The following ZFPM2 variants were observed in gnomAD, a reference collection of about 807,000 sequenced individuals.
ZFPM2 encodes zinc finger protein ZFPM2.
ZFPM2 carries 20 observed loss-of-function variants against 98.6 expected under a neutral mutation model. That is an observed-to-expected ratio of 0.20 (90% CI 0.14 to 0.29). The LOEUF (loss-of-function observed/expected upper bound fraction) is 0.29, where lower values mean the gene tolerates loss of function less well. ZFPM2 is among the 10% of genes least tolerant of loss of function. ZFPM2 has a pLI of 1.00. For synonymous variants in ZFPM2, 518 were observed against 502.7 expected, an observed-to-expected ratio of 1.03 and a Z score of -0.41; for missense variants, 1,310 against 1,388.6, an observed-to-expected ratio of 0.94 and a Z score of 0.90.
At chr8:105,642,209 A>G (rs1490931485) in intron 5 of ZFPM2, among the ~76,000 whole-genome samples, 7 of 152,082 alleles carry the variant, frequency 4.6e-5, no homozygotes, top group Non-Finnish European at 1.0e-4. Flanking sequence ...TGTAGAAAAA[A>G]TTATTATAAG....
intron 5 of ZFPM2, among the ~76,000 whole-genome samples, chr8:105,654,586 T>TA (rs1563506970): frequency 2.1e-5 from 3 of 142,006 alleles, no homozygotes; most frequent in South Asian, 2.2e-4. Flanking sequence ...TTTTTTTTTT[T>TA]AAAAATGAAA....
intron 4 of ZFPM2, among the ~76,000 whole-genome samples, chr8:105,564,645 A>G (rs1815207579): frequency 6.6e-6 from 1 of 152,050 alleles, no homozygotes; most frequent in Non-Finnish European, 1.5e-5. Context: ...TTCTGATTCG[A>G]GAGTCTGCTT....
In ZFPM2 at chr8:105,621,836, C is replaced by T. The variant is rs149650975; in HGVS notation, c.421-12410C>T. On this transcript the variant is annotated intron_variant, in intron 4 of 7. Transcript: ENST00000407775. ...CCTTAATTTCTTTAAAATTGTAAAA[C>T]GATTATTTTATTATTAGTTTTTATT... is the stretch of plus-strand genomic sequence containing the variant. Among the ~76,000 whole-genome samples, 10 of 151,788 alleles carry T rather than the reference C, an allele frequency of 6.6e-5. No homozygotes were observed. In the South Asian group the frequency reaches 1.0e-3, roughly 16 times the overall value.
intron 4 of ZFPM2, among the ~76,000 whole-genome samples, chr8:105,629,239 G>A (rs1205376064): frequency 2.0e-5 from 3 of 152,174 alleles, no homozygotes; most frequent in African/African-American, 7.2e-5. Flanking sequence ...TCCCTCCCGC[G>A]AGGAGATGAG....
At chr8:105,766,653 T>C (rs1812858522) in intron 5 of ZFPM2, among the ~76,000 whole-genome samples, 1 of 151,854 alleles carries the variant, frequency 6.6e-6, no homozygotes, top group Non-Finnish European at 1.5e-5. Context: ...GCTTTAGTGA[T>C]TGATTGGCTA....
chr8:105,792,771 G>A (rs1279561370), intron 6 of ZFPM2, among the ~76,000 whole-genome samples: 5 of 152,182 alleles, frequency 3.3e-5, no homozygotes, highest in Non-Finnish European at 5.9e-5. Flanking sequence ...GGGTGCTCCT[G>A]TATTGGGTGC....
intron 4 of ZFPM2, among the ~76,000 whole-genome samples, chr8:105,572,403 ATTAT>A (rs1815377413): frequency 6.6e-6 from 1 of 152,100 alleles, no homozygotes; most frequent in Non-Finnish European, 1.5e-5. Flanking sequence ...AATTTGAGAA[ATTAT>A]TTGAGAAACT....
intron 4 of ZFPM2, among the ~76,000 whole-genome samples, chr8:105,631,309 C>T (rs939074151): frequency 5.3e-5 from 8 of 152,144 alleles, no homozygotes; most frequent in African/African-American, 1.2e-4. Context: ...TATGCTATTA[C>T]GTTCTTTCCA....
At chr8:105,348,536 A>G (rs1812582091) in intron 1 of ZFPM2, among the ~76,000 whole-genome samples, 1 of 152,334 alleles carries the variant, frequency 6.6e-6, no homozygotes, top group East Asian at 1.9e-4. Context: ...TGTCTTACTT[A>G]TAAGAAATGT....
intron 3 of ZFPM2, among the ~76,000 whole-genome samples, chr8:105,467,433 T>C (rs1182739369): frequency 6.6e-6 from 1 of 152,066 alleles, no homozygotes; most frequent in African/African-American, 2.4e-5. Flanking sequence ...GTTATCCTAG[T>C]CACGACTACT....
chr8:105,728,327 C>T (rs553294514), intron 5 of ZFPM2, among the ~76,000 whole-genome samples: 4 of 151,666 alleles, frequency 2.6e-5, no homozygotes, highest in African/African-American at 9.7e-5. Context: ...TAACAAGCGA[C>T]TCCGAAAATC....
chr8:105,439,998 T>C (rs1812203694), intron 2 of ZFPM2, among the ~76,000 whole-genome samples: 1 of 152,198 alleles, frequency 6.6e-6, no homozygotes, highest in African/African-American at 2.4e-5. Flanking sequence ...GTATCCCTAG[T>C]GGCACTCAAG....
rs370953605 is a variant in ZFPM2, at chr8:105,728,354, A to G, written c.533-60364A>G. Among the ~76,000 whole-genome samples, 16 of 151,854 alleles carry G rather than the reference A, an allele frequency of 1.1e-4. No individual in the cohort carries two copies. The East Asian group carries it at 2.1e-3, about 20-fold the overall frequency. ...CCGAAAATCTCAGTGGCTTAAAACAATTTATGCTATGTACTTGTCGAAAGT... is the reference window on the plus strand; with the variant it reads ...CCGAAAATCTCAGTGGCTTAAAACAGTTTATGCTATGTACTTGTCGAAAGT... On this transcript the variant is annotated intron_variant, in intron 5 of 7. Coordinates refer to ENST00000407775, the MANE Select transcript of ZFPM2 (RefSeq NM_012082.4).
At chr8:105,643,206 A>G (rs1018035853) in intron 5 of ZFPM2, among the ~76,000 whole-genome samples, 11 of 152,176 alleles carry the variant, frequency 7.2e-5, no homozygotes, top group Admixed American at 6.6e-4. Context: ...ATGGTGTTAC[A>G]CACCTCTAGA....
chr8:105,377,534 G>A (rs1810751230), intron 1 of ZFPM2, among the ~76,000 whole-genome samples: 1 of 146,486 alleles, frequency 6.8e-6, no homozygotes, highest in Non-Finnish European at 1.5e-5. Flanking sequence ...GGCCGAGGTG[G>A]AAGGATCACT....
At chr8:105,783,899 T>C (rs1380946752) in intron 5 of ZFPM2, among the ~76,000 whole-genome samples, 2 of 152,182 alleles carry the variant, frequency 1.3e-5, no homozygotes, top group East Asian at 1.9e-4. Context: ...TTTGAATATA[T>C]ATCCAAAAGT....
At chr8:105,395,767 G>A (rs1476602955) in intron 1 of ZFPM2, among the ~76,000 whole-genome samples, 1 of 152,186 alleles carries the variant, frequency 6.6e-6, no homozygotes, top group Admixed American at 6.5e-5. Flanking sequence ...CTATGAGATA[G>A]TATCTTAGTT....
chr8:105,733,762 C>G (rs1175141163), intron 5 of ZFPM2, among the ~76,000 whole-genome samples: 1 of 151,830 alleles, frequency 6.6e-6, no homozygotes, highest in East Asian at 1.9e-4. Context: ...AACACTGCCC[C>G]TATCTTACTG....
At chr8:105,710,623 GT>G (rs2130975100) in intron 5 of ZFPM2, among the ~76,000 whole-genome samples, 1 of 151,460 alleles carries the variant, frequency 6.6e-6, no homozygotes, top group East Asian at 1.9e-4. Flanking sequence ...TTGGAACTCT[GT>G]CATAACCTCA....
Sources: gnomAD v4.1 joint callset for allele counts (sites outside exome capture counted in the v4.1 genomes callset) on GRCh38, gnomAD v4.1.1 for gene constraint, MANE v1.5 for transcripts, NCBI Gene and HGNC (gene_info 2026-07-23, HGNC 2026-07-21) for gene names.